MIR2052HG: variants seen among roughly 807,000 people sequenced by gnomAD.
MIR2052HG encodes MIR2052 host gene.
At chr8:74,745,768 A>G (rs1809878869) in intron 4 of MIR2052HG, among the ~76,000 whole-genome samples, 1 of 152,178 alleles carries the variant, frequency 6.6e-6, no homozygotes, top group African/African-American at 2.4e-5. Context: ...TCTTGAAAAG[A>G]GCCTTGCAGC....
At position 74,619,490 on chromosome 8, in the gene MIR2052HG, A is replaced by G. The variant is rs1449420318; in HGVS notation, n.216+6550A>G. ...TATCTGAGTAATTTATAAAGGAAAG[A>G]GGTTTTATAGACTCATAGTTCTGCA... On this transcript the variant is annotated intron_variant and non_coding_transcript_variant, in intron 2 of 6. Coordinates refer to ENST00000523442, the Ensembl canonical transcript of MIR2052HG. 5.9e-5 allele frequency among the ~76,000 whole-genome samples: 9 copies of G among 152,238 alleles called. No individual in the cohort carries two copies. The East Asian group carries it at 1.5e-3, about 26-fold the overall frequency.
chr8:74,678,628 C>T (rs960966244), intron 2 of MIR2052HG, among the ~76,000 whole-genome samples: 1 of 143,780 alleles, frequency 7.0e-6, no homozygotes, highest in Admixed American at 7.0e-5. Flanking sequence ...TTAATAAGGT[C>T]TATATAACCT....
intron 2 of MIR2052HG, among the ~76,000 whole-genome samples, chr8:74,683,572 C>A (rs1809147641): frequency 6.6e-6 from 1 of 152,104 alleles, no homozygotes; most frequent in African/African-American, 2.4e-5. Context: ...TTCCTTGATT[C>A]ATTTTAACCA....
At chr8:74,740,589 G>T (rs1294753406) in intron 4 of MIR2052HG, among the ~76,000 whole-genome samples, 2 of 152,110 alleles carry the variant, frequency 1.3e-5, no homozygotes, top group African/African-American at 4.8e-5. Context: ...CAGACATAAA[G>T]AATATAAGTA....
chr8:74,741,201 G>GT (rs1225748590), intron 4 of MIR2052HG, among the ~76,000 whole-genome samples: 1 of 152,138 alleles, frequency 6.6e-6, no homozygotes, highest in East Asian at 1.9e-4. Context: ...TATTATACAG[G>GT]TATGTTTGCC....
At chr8:74,639,035 C>T (rs1049689979) in intron 2 of MIR2052HG, among the ~76,000 whole-genome samples, 8 of 152,116 alleles carry the variant, frequency 5.3e-5, no homozygotes, top group Non-Finnish European at 1.0e-4. Context: ...TTCGGAGAGA[C>T]TGAGTCCTTA....
intron 2 of MIR2052HG, among the ~76,000 whole-genome samples, chr8:74,648,526 C>G: frequency 6.6e-6 from 1 of 152,220 alleles, no homozygotes; most frequent in East Asian, 1.9e-4. Flanking sequence ...ACTCCCTGTT[C>G]GTACACCCAC....
At chr8:74,748,139 A>T (rs1216781218) in intron 4 of MIR2052HG, among the ~76,000 whole-genome samples, 1 of 152,146 alleles carries the variant, frequency 6.6e-6, no homozygotes, top group Non-Finnish European at 1.5e-5. Context: ...ACTTTCTCCC[A>T]TGTCTCTAAC....
intron 2 of MIR2052HG, among the ~76,000 whole-genome samples, chr8:74,654,330 G>T (rs938770048): frequency 1.3e-5 from 2 of 152,108 alleles, no homozygotes; most frequent in Non-Finnish European, 2.9e-5. Flanking sequence ...AGGAGGCAGG[G>T]TGTACTGTTT....
At chr8:74,698,127 C>T (rs1809318577) in intron 2 of MIR2052HG, among the ~76,000 whole-genome samples, 1 of 152,136 alleles carries the variant, frequency 6.6e-6, no homozygotes, top group Admixed American at 6.6e-5. Flanking sequence ...CCATAGTCAC[C>T]AAAGCAGCAT....
intron 2 of MIR2052HG, among the ~76,000 whole-genome samples, chr8:74,654,032 C>T (rs1380591514): frequency 6.6e-6 from 1 of 152,124 alleles, no homozygotes; most frequent in African/African-American, 2.4e-5. Flanking sequence ...AATAGAGGCA[C>T]CTCAGGACCA....
At chr8:74,665,210 C>T (rs1463164297) in intron 2 of MIR2052HG, among the ~76,000 whole-genome samples, 4 of 152,158 alleles carry the variant, frequency 2.6e-5, no homozygotes, top group African/African-American at 9.7e-5. Context: ...ATATGCTACT[C>T]TCCCACATCT....
At chr8:74,675,107 G>A (rs1209696960) in intron 2 of MIR2052HG, among the ~76,000 whole-genome samples, 1 of 151,992 alleles carries the variant, frequency 6.6e-6, no homozygotes, top group Non-Finnish European at 1.5e-5. Context: ...TATCTAAATT[G>A]TGGGGATGCA....
intron 2 of MIR2052HG, among the ~76,000 whole-genome samples, chr8:74,668,108 A>G (rs1421560289): frequency 2.0e-5 from 3 of 151,480 alleles, no homozygotes; most frequent in Admixed American, 2.0e-4. Flanking sequence ...CTTTCCTACT[A>G]GGTGGAAAGA....
intron 2 of MIR2052HG, among the ~76,000 whole-genome samples, chr8:74,692,326 A>C (rs1265276657): frequency 6.6e-6 from 1 of 152,146 alleles, no homozygotes. Context: ...TCTTGGCTTC[A>C]AGTGATCTGC....
intron 2 of MIR2052HG, chr8:74,613,083 T>G (rs1808223746): frequency 3.0e-6 from 1 of 336,486 alleles, no homozygotes; most frequent in Non-Finnish European, 6.0e-6. Context: ...ACGGCTACAG[T>G]TTTGTGGGTA....
In MIR2052HG at chr8:74,648,670, C is replaced by T. The variant is rs184736344; in HGVS notation, n.216+35730C>T. Among the ~76,000 whole-genome samples the T allele has an allele frequency of 2.0e-3, 308 of 152,026 alleles. 1 individual carries two copies. The highest frequency in any genetic ancestry group is 6.8e-3 in the African/African-American group (282 of 41,466). ...CTTTCTCTTTATATCTCAGACTGGC[C>T]GACACTTAGGGAAAATAGAAAGAAC... On this transcript the variant is annotated intron_variant and non_coding_transcript_variant, in intron 2 of 6. Transcript: ENST00000523442.
chr8:74,737,388 A>C (rs1301982251), intron 4 of MIR2052HG, among the ~76,000 whole-genome samples: 3 of 152,120 alleles, frequency 2.0e-5, no homozygotes, highest in Non-Finnish European at 4.4e-5. Context: ...GCCTGTTCCC[A>C]CACTGTGGAG....
intron 2 of MIR2052HG, among the ~76,000 whole-genome samples, chr8:74,632,091 A>G (rs922375990): frequency 6.6e-6 from 1 of 152,204 alleles, no homozygotes; most frequent in African/African-American, 2.4e-5. Flanking sequence ...GAAGCTGAAG[A>G]GGATGAGAGC....
Sources: gnomAD v4.1 joint callset for allele counts (sites outside exome capture counted in the v4.1 genomes callset) on GRCh38, gnomAD v4.1.1 for gene constraint, MANE v1.5 for transcripts, NCBI Gene and HGNC (gene_info 2026-07-23, HGNC 2026-07-21) for gene names.